Variants in KLHL26 observed in about 807,000 individuals in gnomAD.
The protein encoded by KLHL26 is kelch-like protein 26.
KLHL26 carries 4 observed loss-of-function variants against 7.1 expected under a neutral mutation model. That is an observed-to-expected ratio of 0.56 (90% CI 0.28 to 1.28). The LOEUF is 1.28. KLHL26 is among the 50% of genes most tolerant of loss of function. KLHL26 has a pLI of 0.11. For missense variants in KLHL26, 896 were observed against 924.6 expected (o/e 0.97, Z 0.40); for synonymous variants, 465 against 414.1 (o/e 1.12, Z -1.49).
rs955866101 is a variant in KLHL26 at position 18,650,519 on chromosome 19, G to A, written c.83+13382G>A. Among the ~76,000 whole-genome samples, 3 of 152,178 alleles carry A rather than the reference G, an allele frequency of 2.0e-5. No individual in the cohort carries two copies. Among genetic ancestry groups the A allele is most frequent in the East Asian group, 1.9e-4 (1 of 5,184 alleles). ...GTCCGTCCTGTCCCAGGAGGGCTGC[G>A]CTAGGTCTCTCCTCTGGCTCCCCCT... On this transcript the variant is annotated intron_variant, in intron 1 of 2. Coordinates refer to ENST00000300976, the MANE Select transcript of KLHL26 (RefSeq NM_018316.3). This position sits in a 1 kb window ranked among gnomAD's most constrained non-coding sequence, Gnocchi z 4.2.
At position 18,668,692 on chromosome 19, in the gene KLHL26, G is replaced by T. The variant is rs781233046; in HGVS notation, c.1295G>T (p.Arg432Leu). Reference sequence around the variant, plus strand: ...GCCGGCAGCCTGGCCTCCGTGGAGCGGTACTGCCCCCGGCGCAATGAGTGG... The same window carrying T: ...GCCGGCAGCCTGGCCTCCGTGGAGCTGTACTGCCCCCGGCGCAATGAGTGG... ...NRAGSLASVE[R>L]YCPRRNEWGY... Residue 432 changes from arginine to leucine, a missense_variant, in exon 3 of 3, where the codon CGG (arginine) becomes CTG (leucine). Arg to Leu is a moderately radical substitution (Grantham distance 102, BLOSUM62 -2). Coordinates refer to ENST00000300976, the MANE Select transcript of KLHL26 (RefSeq NM_018316.3). 1.3e-6 allele frequency: 2 copies of T among 1,571,326 alleles called. No individual in the cohort carries two copies. The highest frequency in any genetic ancestry group is 1.3e-5 in the African/African-American group (1 of 74,076).
Position 18,664,418 on chromosome 19 carries a change from C to T in KLHL26, c.241C>T (p.Leu81=). 6.3e-7 allele frequency: 1 copy of T among 1,592,804 alleles called. No individual in the cohort carries two copies. The highest frequency in any genetic ancestry group is 8.5e-7 in the Non-Finnish European group (1 of 1,169,932). ...REAFPAHKVV[L]AACSDYFRAM... ...GGCCTTTCCTGCACACAAGGTCGTC[C>T]TGGCTGCCTGCAGCGACTACTTCAG... Residue 81 remains leucine, a synonymous_variant, in exon 2 of 3, where the codon CTG becomes TTG. Transcript: ENST00000300976.
chr19:18,651,366 C>T (rs1291912082), intron 1 of KLHL26, among the ~76,000 whole-genome samples: 2 of 152,174 alleles, frequency 1.3e-5, no homozygotes, highest in African/African-American at 4.8e-5. Context: ...TCCCTATGGC[C>T]AGGGGCCCTG....
chr19:18,669,076 A>G lies in KLHL26; in HGVS notation c.1679A>G (p.Lys560Arg), dbSNP rs768580205. The change falls in exon 3 of 3, where the codon AAG (lysine) becomes AGG (arginine). Residue 560 changes from lysine to arginine, a missense_variant. By Grantham distance (26) the Lys-to-Arg change is conservative (BLOSUM62 2). Transcript: ENST00000300976. ...SEAGCCLLERKIYIVGGYNWR... is the reference protein window; with the variant it reads ...SEAGCCLLERRIYIVGGYNWR... ...GCCGGCTGCTGCCTGCTGGAGAGGAAGATCTACATCGTCGGGGGCTACAAC... is the reference window on the plus strand; with the variant it reads ...GCCGGCTGCTGCCTGCTGGAGAGGAGGATCTACATCGTCGGGGGCTACAAC... The G allele has an allele frequency of 1.9e-6, 3 of 1,612,896 alleles. No individual in the cohort carries two copies. In the South Asian group the frequency reaches 3.3e-5, roughly 18 times the overall value.
chr19:18,668,313 T>C lies in KLHL26; in HGVS notation c.916T>C (p.Ser306Pro), dbSNP rs2052478232. 1 of 1,611,042 alleles carries C rather than the reference T, an allele frequency of 6.2e-7. No individual in the cohort carries two copies. Among genetic ancestry groups the C allele is most frequent in the Non-Finnish European group, 8.5e-7 (1 of 1,179,762 alleles). ...EMQSPRTAVR[S>P]DVPSLVTFGG... is the part of the protein sequence containing the mutation. Reference sequence around the variant, plus strand: ...GCAGTCTCCGCGCACCGCCGTGCGCTCGGATGTGCCCTCGCTCGTCACCTT... The same window carrying C: ...GCAGTCTCCGCGCACCGCCGTGCGCCCGGATGTGCCCTCGCTCGTCACCTT... The change falls in exon 3 of 3, where the codon TCG (serine) becomes CCG (proline). Residue 306 changes from serine (S) to proline (P), a missense_variant. Ser to Pro is a moderately conservative substitution (Grantham distance 74). Coordinates refer to ENST00000300976, the MANE Select transcript of KLHL26 (RefSeq NM_018316.3).
chr19:18,668,022 C>A lies in KLHL26; in HGVS notation c.625C>A (p.Leu209Met). 1 of 1,609,126 alleles carries A rather than the reference C, an allele frequency of 6.2e-7. No individual in the cohort carries two copies. Among genetic ancestry groups the A allele is most frequent in the South Asian group, 1.1e-5 (1 of 91,090 alleles). Residue 209 changes from leucine to methionine, a missense_variant, in exon 3 of 3, where the codon CTG (leucine) becomes ATG (methionine). Physicochemically the swap from Leu to Met is conservative, Grantham distance 15 (BLOSUM62 2). Transcript: ENST00000300976. Reference sequence around the variant, plus strand: ...TTTCCTGCGCCTGCCACTGGAGCGCCTGGTCTTCTTCCTGCAGAGCAACCG... The same window carrying A: ...TTTCCTGCGCCTGCCACTGGAGCGCATGGTCTTCTTCCTGCAGAGCAACCG... ...EDFLRLPLER[L>M]VFFLQSNRLQ...
intron 1 of KLHL26, among the ~76,000 whole-genome samples, chr19:18,641,261 A>G (rs763587721): frequency 6.8e-6 from 1 of 146,872 alleles, no homozygotes. Flanking sequence ...TTAGCTATTC[A>G]TCTCTTTGGT....
At chr19:18,645,748 G>T (rs980316052) in intron 1 of KLHL26, among the ~76,000 whole-genome samples, 3 of 151,438 alleles carry the variant, frequency 2.0e-5, no homozygotes, top group Non-Finnish European at 4.4e-5. Flanking sequence ...GGAGGAGGAG[G>T]TTGCAATGAG....
At chr19:18,658,709 C>T (rs924815589) in intron 1 of KLHL26, among the ~76,000 whole-genome samples, 1 of 150,918 alleles carries the variant, frequency 6.6e-6, no homozygotes, top group African/African-American at 2.4e-5. Context: ...TTCCCTCTCC[C>T]TCTGGATCTT....
At chr19:18,639,823 C>A (rs1471349931) in intron 1 of KLHL26, among the ~76,000 whole-genome samples, 1 of 152,028 alleles carries the variant, frequency 6.6e-6, no homozygotes, top group Non-Finnish European at 1.5e-5. Context: ...TGCAATTAAC[C>A]CTGCTCCACC....
In KLHL26 at chr19:18,668,698, G is replaced by T; in HGVS notation, c.1301G>T (p.Cys434Phe). The T allele has an allele frequency of 6.4e-7, 1 of 1,571,814 alleles. No homozygotes were observed. Residue 434 changes from cysteine to phenylalanine, a missense_variant, in exon 3 of 3, where the codon TGC becomes TTC. Cys to Phe is a radical substitution (Grantham distance 205). Coordinates refer to ENST00000300976, the MANE Select transcript of KLHL26 (RefSeq NM_018316.3). ...AGCCTGGCCTCCGTGGAGCGGTACT[G>T]CCCCCGGCGCAATGAGTGGGGCTAC... Reference protein sequence around the residue: ...AGSLASVERYCPRRNEWGYAC... With the variant: ...AGSLASVERYFPRRNEWGYAC...
In KLHL26 at chr19:18,671,635, C is replaced by T. The variant is rs1266699837; in HGVS notation, c.*2390C>T. 6.6e-6 allele frequency: 1 copy of T among 152,274 alleles called. No homozygotes were observed. Among genetic ancestry groups the T allele is most frequent in the Admixed American group, 6.5e-5 (1 of 15,280 alleles). The allele number at this position is 152,274 out of a possible 1,614,324, so 9.4% of individuals were successfully genotyped here. Reference sequence around the variant, plus strand: ...TGGGGCCCCCTGCCCCTCCCTCAGCCTCCCCCCGCATCCCCCCAAGAAAGG... The same window carrying T: ...TGGGGCCCCCTGCCCCTCCCTCAGCTTCCCCCCGCATCCCCCCAAGAAAGG... On this transcript the variant is annotated 3_prime_UTR_variant, in exon 3 of 3. Coordinates refer to ENST00000300976, the MANE Select transcript of KLHL26 (RefSeq NM_018316.3).
chr19:18,656,204 C>T lies in KLHL26; in HGVS notation c.84-8057C>T, dbSNP rs138323113. Among the ~76,000 whole-genome samples the T allele has an allele frequency of 2.3e-3, 348 of 152,284 alleles. No individual in the cohort carries two copies. The highest frequency in any genetic ancestry group is 6.6e-3 in the African/African-American group (275 of 41,574). ...GGGGGACCTGCAGGATGGGGGTGGA[C>T]GGGCCTCAGCTTTCTGCTCCCAGCT... On this transcript the variant is annotated intron_variant, in intron 1 of 2. Coordinates refer to ENST00000300976, the MANE Select transcript of KLHL26 (RefSeq NM_018316.3). The surrounding 1 kb of genome is among the most constrained non-coding windows in gnomAD (Gnocchi z 4.4).
Position 18,646,448 on chromosome 19 carries a change from T to C in KLHL26, c.83+9311T>C, listed in dbSNP as rs909653130. ...CATGCCCCTTTCAGAAGGAGGATTT[T>C]GACCCTTCCAAGACGTGGACTCAAG... is the stretch of plus-strand genomic sequence containing the variant. On this transcript the variant is annotated intron_variant, in intron 1 of 2. Transcript: ENST00000300976. The surrounding 1 kb of genome is among the most constrained non-coding windows in gnomAD (Gnocchi z 5.0). 2.2e-4 allele frequency among the ~76,000 whole-genome samples: 34 copies of C among 152,244 alleles called. No individual in the cohort carries two copies. The highest frequency in any genetic ancestry group is 8.2e-4 in the African/African-American group (34 of 41,462).
intron 1 of KLHL26, among the ~76,000 whole-genome samples, chr19:18,661,123 C>G (rs538963026): frequency 5.9e-5 from 9 of 152,306 alleles, no homozygotes; most frequent in Non-Finnish European, 8.8e-5. Flanking sequence ...GGTCATTTGC[C>G]CCTGCTTTGT....
intron 1 of KLHL26, among the ~76,000 whole-genome samples, chr19:18,638,837 A>ATT (rs1976663134): frequency 6.6e-6 from 1 of 152,024 alleles, no homozygotes; most frequent in Admixed American, 6.6e-5. Context: ...AGTAGCTGGG[A>ATT]CTACAGGTGT....
Position 18,652,158 on chromosome 19 carries a change from A to G in KLHL26, c.84-12103A>G, listed in dbSNP as rs2052265915. ...TTGGCCACTCAGCACAGAGCACAAC[A>G]TGAGCAAAGGTCCAGAGACAGGATG... On this transcript the variant is annotated intron_variant, in intron 1 of 2. Transcript: ENST00000300976. Among the ~76,000 whole-genome samples, 13 of 152,286 alleles carry G rather than the reference A, an allele frequency of 8.5e-5. No individual in the cohort carries two copies. In the South Asian group the frequency reaches 2.7e-3, roughly 32 times the overall value.
intron 1 of KLHL26, among the ~76,000 whole-genome samples, chr19:18,660,348 G>A (rs940139965): frequency 1.3e-5 from 2 of 152,216 alleles, no homozygotes; most frequent in Non-Finnish European, 2.9e-5. Context: ...GGCCAGATTC[G>A]GGCAGAGGGT....
At chr19:18,640,687 C>T (rs1017034972) in intron 1 of KLHL26, among the ~76,000 whole-genome samples, 8 of 148,810 alleles carry the variant, frequency 5.4e-5, no homozygotes, top group Non-Finnish European at 8.9e-5. Flanking sequence ...TGTAAGGATG[C>T]GCCACCACAC....
Sources: gnomAD v4.1 joint callset for allele counts (sites outside exome capture counted in the v4.1 genomes callset) on GRCh38, gnomAD v4.1.1 for gene constraint, Gnocchi (gnomAD v3.1) non-coding constraint, MANE v1.5 for transcripts, NCBI Gene and HGNC (gene_info 2026-07-23, HGNC 2026-07-21) for gene names.